The following HNRNPF variants were observed in gnomAD, a reference collection of about 807,000 sequenced individuals.
HNRNPF encodes the protein heterogeneous nuclear ribonucleoprotein F.
A neutral mutation model predicts 26.0 loss-of-function variants in HNRNPF; 2 were observed. The observed-to-expected ratio is 0.08, with a 90% confidence interval of 0.03 to 0.24. The LOEUF is 0.24. Ranked by LOEUF, HNRNPF falls within the 10% of genes least tolerant of loss-of-function variation. HNRNPF has a pLI of 1.00. For synonymous variants in HNRNPF, 234 were observed against 211.5 expected (o/e 1.11, Z -0.92); for missense variants, 299 against 539.2 (o/e 0.55, Z 4.41).
rs1838522691 is a variant in HNRNPF, at chr10:43,396,474, T to G, written c.-130A>C. On this transcript the variant is annotated 5_prime_UTR_variant, in exon 2 of 4. Transcript: ENST00000682386. ...GACTTACCACGGAGGCGAGCAGGAC[T>G]GGTTTCTGTTGCTACCAGGCAAGCG... The G allele has an allele frequency of 6.6e-6, 1 of 152,306 alleles. No homozygotes were observed. The highest frequency in any genetic ancestry group is 1.5e-5 in the Non-Finnish European group (1 of 68,120). 9.4% of individuals were successfully genotyped at this position (152,306 alleles called of 1,614,324 possible). A position where few individuals can be genotyped will look rare whatever the true frequency, so the allele number is the denominator to read the frequency against.
intron 3 of HNRNPF, among the ~76,000 whole-genome samples, 184 bp downstream of exon 3, chr10:43,394,446 T>C (rs559765250): frequency 1.3e-3 from 202 of 152,306 alleles, no homozygotes; most frequent in Non-Finnish European, 1.9e-3. Flanking sequence ...GGTTTTCTGT[T>C]CCATTTCTCA....
At chr10:43,389,071 C>G (rs957434219) in intron 3 of HNRNPF, among the ~76,000 whole-genome samples, 1 of 149,696 alleles carries the variant, frequency 6.7e-6, no homozygotes, top group African/African-American at 2.5e-5. Flanking sequence ...CCTGGGTTCA[C>G]GAAATTCTCC....
intron 1 of HNRNPF, among the ~76,000 whole-genome samples, chr10:43,401,982 A>G (rs945350959): frequency 6.6e-6 from 1 of 152,166 alleles, no homozygotes. Flanking sequence ...AAGGAACATG[A>G]CAATTTACAG....
intron 1 of HNRNPF, among the ~76,000 whole-genome samples, chr10:43,402,783 AAG>A (rs1838793231): frequency 6.6e-6 from 1 of 152,208 alleles, no homozygotes; most frequent in Non-Finnish European, 1.5e-5. Context: ...AACAGTAAGT[AAG>A]AGTATCTGTA....
In HNRNPF at chr10:43,406,941, T is replaced by C. The variant is rs376912549; in HGVS notation, c.-247+2190A>G. ...TAGTAATGTCTTATTTTATAGTTTA[T>C]AAATTCTGTGAGAGCAACGAGTCAC... is the stretch of plus-strand genomic sequence containing the variant. On this transcript the variant is annotated intron_variant, in intron 1 of 3. Coordinates refer to ENST00000682386, the MANE Select transcript of HNRNPF (RefSeq NM_001098204.2). 7.0e-4 allele frequency among the ~76,000 whole-genome samples: 106 copies of C among 152,316 alleles called. 3 individuals are homozygous for C. In the South Asian group the frequency reaches 0.022, roughly 31 times the overall value.
Position 43,387,056 on chromosome 10 carries a change from C to G in HNRNPF, c.829G>C (p.Gly277Arg), listed in dbSNP as rs533557195. The G allele has an allele frequency of 1.2e-6, 2 of 1,612,802 alleles. No individual in the cohort carries two copies. The highest frequency in any genetic ancestry group is 2.7e-5 in the African/African-American group (2 of 75,030). ...CTCTGCACTGTGAACTCACTGTCGCCGTATCTGTGGTCATACATTCCGGAG... is the reference window on the plus strand; with the variant it reads ...CTCTGCACTGTGAACTCACTGTCGCGGTATCTGTGGTCATACATTCCGGAG... ...CLSGMYDHRYGDSEFTVQSTT... is the reference protein window; with the variant it reads ...CLSGMYDHRYRDSEFTVQSTT... Residue 277 changes from glycine (G) to arginine (R), a missense_variant, in exon 4 of 4, where the codon GGC becomes CGC. Physicochemically the swap from Gly to Arg is moderately radical, Grantham distance 125. This residue lies in a region of HNRNPF where 74 missense variants were observed against 77.7 expected (regional missense o/e 0.95). Coordinates refer to ENST00000682386, the MANE Select transcript of HNRNPF (RefSeq NM_001098204.2). The surrounding 1 kb of genome is among the most constrained non-coding windows in gnomAD (Gnocchi z 6.0).
chr10:43,395,809 T>C (rs1838468929), intron 2 of HNRNPF, among the ~76,000 whole-genome samples: 1 of 152,194 alleles, frequency 6.6e-6, no homozygotes, highest in South Asian at 2.1e-4. Flanking sequence ...TCTGGGGACA[T>C]GCACAAGCTG....
At chr10:43,388,882 A>G (rs888722029) in intron 3 of HNRNPF, among the ~76,000 whole-genome samples, 4 of 152,078 alleles carry the variant, frequency 2.6e-5, no homozygotes, top group Admixed American at 1.3e-4. Flanking sequence ...CAAGAAAAAC[A>G]CTGCAGTATC....
chr10:43,390,695 G>T (rs1838208718), intron 3 of HNRNPF, among the ~76,000 whole-genome samples: 2 of 152,134 alleles, frequency 1.3e-5, no homozygotes, highest in Admixed American at 6.5e-5. Flanking sequence ...AGTAAAACCA[G>T]AGCTCTGGAA....
At chr10:43,408,544 C>G (rs1839003424) in intron 1 of HNRNPF, among the ~76,000 whole-genome samples, 1 of 152,196 alleles carries the variant, frequency 6.6e-6, no homozygotes, top group African/African-American at 2.4e-5. Flanking sequence ...AATCCCAGCC[C>G]CAGCCCAACG....
intron 1 of HNRNPF, among the ~76,000 whole-genome samples, chr10:43,406,895 C>T (rs1200719030): frequency 1.3e-5 from 2 of 152,114 alleles, no homozygotes; most frequent in Non-Finnish European, 2.9e-5. Context: ...AAAGCAATCT[C>T]TCTCTTAATA....
chr10:43,386,570 A>C lies in HNRNPF; in HGVS notation c.*67T>G. The C allele has an allele frequency of 7.0e-7, 1 of 1,438,078 alleles. No homozygotes were observed. The highest frequency in any genetic ancestry group is 9.3e-7 in the Non-Finnish European group (1 of 1,080,508). The allele number at this position is 1,438,078 out of a possible 1,614,324, so 89.1% of individuals were successfully genotyped here. On this transcript the variant is annotated 3_prime_UTR_variant, in exon 4 of 4. Coordinates refer to ENST00000682386, the MANE Select transcript of HNRNPF (RefSeq NM_001098204.2). ...GGGTCCCCCAGCTTCCTCTATTATA[A>C]CTGCTCTTAATTGCTTGTTGGCTGC... is the stretch of plus-strand genomic sequence containing the variant.
At chr10:43,390,209 T>C (rs1838188245) in intron 3 of HNRNPF, among the ~76,000 whole-genome samples, 1 of 152,156 alleles carries the variant, frequency 6.6e-6, no homozygotes, top group Non-Finnish European at 1.5e-5. Context: ...TTGTATTGTG[T>C]CTCTTGGGAT....
At position 43,386,532 on chromosome 10, in the gene HNRNPF, C is replaced by G. The variant is rs1294663737; in HGVS notation, c.*105G>C. 2.7e-6 allele frequency: 3 copies of G among 1,113,292 alleles called. No individual in the cohort carries two copies. Among genetic ancestry groups the G allele is most frequent in the Non-Finnish European group, 3.7e-6 (3 of 812,820 alleles). 69.0% of individuals were successfully genotyped at this position (1,113,292 alleles called of 1,614,324 possible). On this transcript the variant is annotated 3_prime_UTR_variant, in exon 4 of 4. Coordinates refer to ENST00000682386, the MANE Select transcript of HNRNPF (RefSeq NM_001098204.2). Reference sequence around the variant, plus strand: ...TTTTAATCCAGATTTTTCACAAACTCATGGTGCAAAATGGGTCCCCCAGCT... The same window carrying G: ...TTTTAATCCAGATTTTTCACAAACTGATGGTGCAAAATGGGTCCCCCAGCT...
At chr10:43,401,635 C>T (rs573579317) in intron 1 of HNRNPF, among the ~76,000 whole-genome samples, 6 of 152,228 alleles carry the variant, frequency 3.9e-5, no homozygotes, top group Non-Finnish European at 7.4e-5. Flanking sequence ...GTATAGATTC[C>T]GCTAAACAAA....
At chr10:43,404,936 G>A (rs1396048330) in intron 1 of HNRNPF, among the ~76,000 whole-genome samples, 1 of 152,152 alleles carries the variant, frequency 6.6e-6, no homozygotes, top group Non-Finnish European at 1.5e-5. Flanking sequence ...TCAGAAAAAT[G>A]CGAAGTGTGG....
chr10:43,400,236 A>T (rs1331182805), intron 1 of HNRNPF, among the ~76,000 whole-genome samples: 1 of 152,214 alleles, frequency 6.6e-6, no homozygotes, highest in East Asian at 1.9e-4. Flanking sequence ...AAAGCCCATT[A>T]TTCTTTTTTC....
chr10:43,407,112 G>A (rs1838945159), intron 1 of HNRNPF, among the ~76,000 whole-genome samples: 1 of 152,008 alleles, frequency 6.6e-6, no homozygotes, highest in African/African-American at 2.4e-5. Flanking sequence ...ATTTTTGGAA[G>A]AATTAAGATG....
intron 3 of HNRNPF, among the ~76,000 whole-genome samples, chr10:43,388,319 T>TA (rs1281549917): frequency 1.3e-5 from 2 of 152,208 alleles, no homozygotes; most frequent in Non-Finnish European, 2.9e-5. Context: ...ATAGTAAATT[T>TA]AGTAAATCTG....
Sources: gnomAD v4.1 joint callset for allele counts (sites outside exome capture counted in the v4.1 genomes callset) on GRCh38, gnomAD v4.1.1 for gene constraint, gnomAD v4.1.1 regional missense constraint, Gnocchi (gnomAD v3.1) non-coding constraint, MANE v1.5 for transcripts, NCBI Gene and HGNC (gene_info 2026-07-23, HGNC 2026-07-21) for gene names.